KRT9: variants seen among roughly 807,000 people sequenced by gnomAD.
The protein encoded by KRT9 is keratin, type I cytoskeletal 9.
In KRT9, 34 loss-of-function variants were observed where a neutral mutation model predicts 51.4. The ratio of observed to expected loss-of-function variants is 0.66; its 90% CI spans 0.50 to 0.88. The LOEUF (loss-of-function observed/expected upper bound fraction) is 0.88. Ranked by LOEUF, KRT9 falls within the 40% of genes least tolerant of loss-of-function variation. The probability of loss-of-function intolerance (pLI) is 0.00; values close to 1 mark genes in which losing one functional copy is unlikely to be tolerated. For synonymous variants in KRT9, 292 were observed against 289.7 expected (o/e 1.01, Z -0.08); for missense variants, 753 against 790.3 (o/e 0.95, Z 0.57).
At chr17:41,571,199 C>T (rs962985345) in intron 1 of KRT9, 152 bp downstream of exon 1, 5 of 811,154 alleles carry the variant, frequency 6.2e-6, no homozygotes, top group African/African-American at 3.4e-5. Context: ...CCCCAGAAAC[C>T]AAACACAAGT....
chr17:41,567,788 G>A (rs1424375590), intron 6 of KRT9, 38 bp from the exon 7 acceptor site: 1 of 1,613,258 alleles, frequency 6.2e-7, no homozygotes, highest in Non-Finnish European at 8.5e-7. Context: ...AAAATGAGCG[G>A]CCCCCATACA....
At position 41,568,447 on chromosome 17, in the gene KRT9, C is replaced by A; in HGVS notation, c.1170+61G>T. 5.0e-6 allele frequency: 8 copies of A among 1,614,026 alleles called. No individual in the cohort carries two copies. In the South Asian group the frequency reaches 8.8e-5, roughly 18 times the overall value. On this transcript the variant is annotated intron_variant, in intron 5 of 7. Coordinates refer to ENST00000246662, the MANE Select transcript of KRT9 (RefSeq NM_000226.4). ...ATCATAACTCCTCTTCTTCCCACTC[C>A]TGGGCTGCAAAGACTTCCTGTGCCC...
rs1489107935 is a variant in KRT9, at chr17:41,567,588, G to C, written c.1557C>G (p.Ser519Arg). 1 of 1,556,760 alleles carries C rather than the reference G, an allele frequency of 6.4e-7. No homozygotes were observed. The highest frequency in any genetic ancestry group is 1.4e-5 in the African/African-American group (1 of 72,470). The change falls in exon 7 of 8, where the codon AGC becomes AGG. Residue 519 changes from serine to arginine, a missense_variant. Coordinates refer to ENST00000246662, the MANE Select transcript of KRT9 (RefSeq NM_000226.4). ...CTCCAGAACCACTTCCTCCACCGTAGCTGCCTCCACTTCCTCCCCTGGACC... is the reference window on the plus strand; with the variant it reads ...CTCCAGAACCACTTCCTCCACCGTACCTGCCTCCACTTCCTCCCCTGGACC... ...GSGSRGGSGGSYGGGSGSGGG... is the reference protein window; with the variant it reads ...GSGSRGGSGGRYGGGSGSGGG...
chr17:41,570,188 A>G lies in KRT9; in HGVS notation c.675T>C (p.Thr225=), dbSNP rs368965436. Reference sequence around the variant, plus strand: ...TGCGAGTGTTGTCAATGTCCAGGAGAGTTTTGTTGTTGCCCACTGTCAGGT... The same window carrying G: ...TGCGAGTGTTGTCAATGTCCAGGAGGGTTTTGTTGTTGCCCACTGTCAGGT... ...IVDLTVGNNK[T]LLDIDNTRMT... The change falls in exon 2 of 8, where the codon ACT becomes ACC. Residue 225 remains threonine, a synonymous_variant. Transcript: ENST00000246662. 2.5e-6 allele frequency: 4 copies of G among 1,613,862 alleles called. No homozygotes were observed. In the African/African-American group the frequency reaches 5.3e-5, roughly 22 times the overall value.
intron 4 of KRT9, 27 bp from the exon 5 acceptor site, chr17:41,568,660 T>C: frequency 1.2e-6 from 2 of 1,614,028 alleles, no homozygotes. Flanking sequence ...TCAGTAAGCA[T>C]CAGGCTGTGC....
rs1303118115 is a variant in KRT9, at chr17:41,567,442, C to T, written c.1703G>A (p.Ser568Asn). ...ACTTCCTCCACCATAGCCACCCCCA[C>T]TTCCTCCTCCAGAGCCACTTCCTCC... ...YGGGSGSGGG[S>N]GGGYGGGSGS... is the part of the protein sequence containing the mutation. Residue 568 changes from serine (S) to asparagine (N), a missense_variant, in exon 7 of 8, where the codon AGT becomes AAT. Around this residue, in one of 3 missense-constraint regions of KRT9, gnomAD observed 507 missense variants for 563.7 expected, o/e 0.90. Coordinates refer to ENST00000246662, the MANE Select transcript of KRT9 (RefSeq NM_000226.4). 5 of 1,556,962 alleles carry T rather than the reference C, an allele frequency of 3.2e-6. No homozygotes were observed. Among genetic ancestry groups the T allele is most frequent in the Non-Finnish European group, 3.5e-6 (4 of 1,149,768 alleles).
chr17:41,568,528 G>A lies in KRT9; in HGVS notation c.1150C>T (p.Leu384=). The A allele has an allele frequency of 1.2e-6, 2 of 1,614,186 alleles. No individual in the cohort carries two copies. The highest frequency in any genetic ancestry group is 1.1e-5 in the South Asian group (1 of 91,080). The part of the protein sequence containing the change: ...RHGVQELEIE[L]QSQLSKKAAL... ...CCAACCTTGCTGAGCTGAGACTGCAGCTCAATCTCCAACTCCTGGACACCG... is the reference window on the plus strand; with the variant it reads ...CCAACCTTGCTGAGCTGAGACTGCAACTCAATCTCCAACTCCTGGACACCG... The change falls in exon 5 of 8, where the codon CTG becomes TTG. Residue 384 remains leucine (L), a synonymous_variant. Coordinates refer to ENST00000246662, the MANE Select transcript of KRT9 (RefSeq NM_000226.4).
At chr17:41,568,911 T>TACACACACACAC (rs5820419) in intron 4 of KRT9, among the ~76,000 whole-genome samples, 2 of 133,744 alleles carry the variant, frequency 1.5e-5, no homozygotes, top group Non-Finnish European at 3.2e-5. Flanking sequence ...CTTTCAAACA[T>TACACACACACAC]ACACACACAC....
chr17:41,568,526 C>T lies in KRT9; in HGVS notation c.1152G>A (p.Leu384=). 6.2e-7 allele frequency: 1 copy of T among 1,614,208 alleles called. No individual in the cohort carries two copies. Among genetic ancestry groups the T allele is most frequent in the African/African-American group, 1.3e-5 (1 of 75,054 alleles). ...RHGVQELEIE[L]QSQLSKKAAL... ...TACCAACCTTGCTGAGCTGAGACTG[C>T]AGCTCAATCTCCAACTCCTGGACAC... The change falls in exon 5 of 8, where the codon CTG becomes CTA. Residue 384 remains leucine (L), a synonymous_variant. Coordinates refer to ENST00000246662, the MANE Select transcript of KRT9 (RefSeq NM_000226.4).
rs750693140 is a variant in KRT9, at chr17:41,568,353, C to G, written c.1203G>C (p.Thr401=). ...KAALEKSLED[T]KNRYCGQLQM... is the part of the protein sequence containing the mutation. Reference sequence around the variant, plus strand: ...GCAGCTGGCCACAGTAGCGGTTCTTCGTGTCTTCCAAGCTCTTCTCCAGAG... The same window carrying G: ...GCAGCTGGCCACAGTAGCGGTTCTTGGTGTCTTCCAAGCTCTTCTCCAGAG... Residue 401 remains threonine, a synonymous_variant, in exon 6 of 8, where the codon ACG becomes ACC. Coordinates refer to ENST00000246662, the MANE Select transcript of KRT9 (RefSeq NM_000226.4). 1 of 1,614,154 alleles carries G rather than the reference C, an allele frequency of 6.2e-7. No homozygotes were observed. The highest frequency in any genetic ancestry group is 8.5e-7 in the Non-Finnish European group (1 of 1,180,030).
Position 41,571,404 on chromosome 17 carries a change from T to G in KRT9, c.589A>C (p.Ile197Leu). The G allele has an allele frequency of 1.2e-6, 2 of 1,614,090 alleles. No homozygotes were observed. Among genetic ancestry groups the G allele is most frequent in the East Asian group, 2.2e-5 (1 of 44,882 alleles). The change falls in exon 1 of 8, where the codon ATC becomes CTC. Residue 197 changes from isoleucine to leucine, a missense_variant. Transcript: ENST00000246662. ...DWYDKKGPAA[I>L]QKNYSPYYNT... Reference sequence around the variant, plus strand: ...TAATAAGGGGAGTAGTTCTTCTGGATAGCAGCAGGTCCCTTCTTGTCGTAC... The same window carrying G: ...TAATAAGGGGAGTAGTTCTTCTGGAGAGCAGCAGGTCCCTTCTTGTCGTAC...
rs750693140 is a variant in KRT9 at position 41,568,353 on chromosome 17, C to T, written c.1203G>A (p.Thr401=). The change falls in exon 6 of 8, where the codon ACG becomes ACA. Residue 401 remains threonine, a synonymous_variant. Coordinates refer to ENST00000246662, the MANE Select transcript of KRT9 (RefSeq NM_000226.4). ...KAALEKSLED[T]KNRYCGQLQM... is the part of the protein sequence containing the mutation. ...GCAGCTGGCCACAGTAGCGGTTCTT[C>T]GTGTCTTCCAAGCTCTTCTCCAGAG... 4.3e-6 allele frequency: 7 copies of T among 1,614,036 alleles called. No individual in the cohort carries two copies. The East Asian group carries it at 6.7e-5, about 15-fold the overall frequency.
chr17:41,567,378 T>G lies in KRT9; in HGVS notation c.1767A>C (p.Gly589=), dbSNP rs1486657708. 1 of 1,607,024 alleles carries G rather than the reference T, an allele frequency of 6.2e-7. No homozygotes were observed. The highest frequency in any genetic ancestry group is 1.3e-5 in the African/African-American group (1 of 74,602). The change falls in exon 7 of 8, where the codon GGA becomes GGC. Residue 589 remains glycine, a synonymous_variant. Coordinates refer to ENST00000246662, the MANE Select transcript of KRT9 (RefSeq NM_000226.4). ...RGGSGGSHGG[G]SGFGGESGGS... ...CTCCACTTTCACCTCCAAAACCACT[T>G]CCTCCACCATGGCTGCCTCCACTTC...
In KRT9 at chr17:41,571,752, A is replaced by T. The variant is rs1478868415; in HGVS notation, c.241T>A (p.Phe81Ile). Residue 81 changes from phenylalanine to isoleucine, a missense_variant, in exon 1 of 8, where the codon TTT becomes ATT. By Grantham distance (21) the Phe-to-Ile change is conservative (BLOSUM62 0). Transcript: ENST00000246662. ...CCACCGCCTAAACTACTGGCACTAA[A>T]ACCACCCCCAGATCCTCCGCCGTAG... is the stretch of plus-strand genomic sequence containing the variant. ...YSYGGGSGGGFSASSLGGGFG... is the reference protein window; with the variant it reads ...YSYGGGSGGGISASSLGGGFG... 1.2e-6 allele frequency: 2 copies of T among 1,613,160 alleles called. No individual in the cohort carries two copies. Among genetic ancestry groups the T allele is most frequent in the East Asian group, 2.2e-5 (1 of 44,826 alleles).
At position 41,570,166 on chromosome 17, in the gene KRT9, G is replaced by A. The variant is rs144301874; in HGVS notation, c.697C>T (p.Arg233Cys). ...NKTLLDIDNTRMTLDDFRIKF... is the reference protein window; with the variant it reads ...NKTLLDIDNTCMTLDDFRIKF... ...ATCCTGAAGTCATCCAGTGTCATGCGAGTGTTGTCAATGTCCAGGAGAGTT... is the reference window on the plus strand; with the variant it reads ...ATCCTGAAGTCATCCAGTGTCATGCAAGTGTTGTCAATGTCCAGGAGAGTT... Residue 233 changes from arginine to cysteine, a missense_variant, in exon 2 of 8, where the codon CGC becomes TGC. Coordinates refer to ENST00000246662, the MANE Select transcript of KRT9 (RefSeq NM_000226.4). The A allele has an allele frequency of 3.9e-4, 634 of 1,614,120 alleles. 3 individuals carry two copies. The highest frequency in any genetic ancestry group is 1.6e-3 in the South Asian group (147 of 91,062).
intron 4 of KRT9, among the ~76,000 whole-genome samples, chr17:41,569,134 A>G (rs76264733): frequency 0.01 from 1,585 of 152,362 alleles, 34 homozygotes; most frequent in African/African-American, 0.037. Flanking sequence ...GTTCACACAC[A>G]TCTAATAAAC....
intron 4 of KRT9, among the ~76,000 whole-genome samples, chr17:41,569,047 A>T (rs1414715417): frequency 6.6e-6 from 1 of 152,142 alleles, no homozygotes. Flanking sequence ...TCAGTACAGT[A>T]TGGGAGACAC....
In KRT9 at chr17:41,567,178, A is replaced by AG. The variant is rs1470840278; in HGVS notation, c.*40+54_*40+55insC. On this transcript the variant is annotated intron_variant, in intron 7 of 7. Transcript: ENST00000246662. ...CCCAGAGATTCAAAAATACTCAAAA[A>AG]AAAAAAAAGGTGAGACCTTGACTCT... 196 of 1,580,462 alleles carry AG rather than the reference A, an allele frequency of 1.2e-4. 3 individuals carry two copies. In the South Asian group the frequency reaches 2.1e-3, roughly 17 times the overall value.
At chr17:41,569,662 C>T in intron 3 of KRT9, 75 bp from the exon 4 acceptor site, 2 of 1,577,882 alleles carry the variant, frequency 1.3e-6, no homozygotes, top group Non-Finnish European at 8.7e-7. Context: ...CCCTCTGGTC[C>T]CCCCAGGGTA....
Sources: allele counts gnomAD v4.1 joint callset (sites outside exome capture counted in the v4.1 genomes callset), GRCh38; gene constraint gnomAD v4.1.1; regional missense constraint gnomAD v4.1.1; transcripts MANE v1.5; gene names NCBI Gene and HGNC (gene_info 2026-07-23, HGNC 2026-07-21).